Variants in CDH18 observed in about 807,000 individuals in gnomAD.
CDH18 encodes the protein cadherin-18.
In CDH18, 31 loss-of-function variants were observed where a neutral mutation model predicts 67.9. That is an observed-to-expected ratio of 0.46 (90% CI 0.34 to 0.62). The LOEUF is 0.62. CDH18 is among the 20% of genes least tolerant of loss of function. The pLI is 0.01. For missense variants in CDH18, 890 were observed against 975.5 expected, an observed-to-expected ratio of 0.91 and a Z score of 1.17; for synonymous variants, 362 against 347.2, an observed-to-expected ratio of 1.04 and a Z score of -0.48.
At chr5:19,861,079 C>T (rs1040169025) in intron 2 of CDH18, among the ~76,000 whole-genome samples, 2 of 152,092 alleles carry the variant, frequency 1.3e-5, no homozygotes, top group East Asian at 1.9e-4. Context: ...ACAAAGTATA[C>T]TATCTTACAG....
At chr5:19,788,923 T>C (rs115201568) in intron 3 of CDH18, among the ~76,000 whole-genome samples, 2,052 of 152,276 alleles carry the variant, frequency 0.013, 41 homozygotes, top group African/African-American at 0.047. Flanking sequence ...GTTGCTGCCT[T>C]ATTAGTTAGC....
chr5:20,135,151 T>C (rs949993309), intron 2 of CDH18, among the ~76,000 whole-genome samples: 3 of 152,158 alleles, frequency 2.0e-5, no homozygotes, highest in Non-Finnish European at 4.4e-5. Flanking sequence ...TTATGATGAA[T>C]GCTGTGACTG....
At chr5:20,151,264 T>C (rs1751075679) in intron 2 of CDH18, among the ~76,000 whole-genome samples, 1 of 152,144 alleles carries the variant, frequency 6.6e-6, no homozygotes, top group Non-Finnish European at 1.5e-5. Context: ...CTCTTTTAAT[T>C]CACTAAGGGT....
chr5:19,513,193 G>T (rs1479478210), intron 10 of CDH18, among the ~76,000 whole-genome samples: 1 of 151,968 alleles, frequency 6.6e-6, no homozygotes, highest in African/African-American at 2.4e-5. Flanking sequence ...CTACAGACTT[G>T]ACCTCCAGGG....
At chr5:19,981,396 C>T (rs1467104331) in intron 1 of CDH18, among the ~76,000 whole-genome samples, 1 of 143,608 alleles carries the variant, frequency 7.0e-6, no homozygotes, top group East Asian at 2.1e-4. Context: ...TATAACAAAA[C>T]ACCACAGAAA....
intron 1 of CDH18, among the ~76,000 whole-genome samples, chr5:20,497,820 T>C (rs562846552): frequency 1.3e-5 from 2 of 152,284 alleles, no homozygotes; most frequent in East Asian, 3.9e-4. Context: ...ATGCTGTTAG[T>C]ATTTGTGTCC....
intron 12 of CDH18, among the ~76,000 whole-genome samples, chr5:19,476,065 A>G (rs1187292706): frequency 1.3e-5 from 2 of 152,058 alleles, no homozygotes; most frequent in Non-Finnish European, 2.9e-5. Flanking sequence ...ATGGAAAGGA[A>G]AGTGAGAGAA....
intron 1 of CDH18, among the ~76,000 whole-genome samples, chr5:20,398,696 C>T (rs1745488127): frequency 6.6e-6 from 1 of 152,132 alleles, no homozygotes; most frequent in African/African-American, 2.4e-5. Context: ...TAAAAAACCA[C>T]CACGGCACAC....
chr5:20,313,557 TTTA>T (rs1308563940), intron 1 of CDH18, among the ~76,000 whole-genome samples: 1 of 152,082 alleles, frequency 6.6e-6, no homozygotes, highest in Non-Finnish European at 1.5e-5. Context: ...GCTGCAATTG[TTTA>T]TTATGTAAAC....
chr5:19,806,921 A>C (rs972242996), intron 3 of CDH18, among the ~76,000 whole-genome samples: 5 of 152,220 alleles, frequency 3.3e-5, no homozygotes, highest in African/African-American at 1.2e-4. Context: ...TATAAAGTGT[A>C]GTTAAACTAG....
intron 5 of CDH18, among the ~76,000 whole-genome samples, chr5:19,685,710 C>T (rs1760998489): frequency 6.6e-6 from 1 of 152,146 alleles, no homozygotes; most frequent in Non-Finnish European, 1.5e-5. Flanking sequence ...CTCCAGCTCT[C>T]TCTTACATCA....
At chr5:19,929,271 A>T in intron 2 of CDH18, among the ~76,000 whole-genome samples, 1 of 152,024 alleles carries the variant, frequency 6.6e-6, no homozygotes, top group Non-Finnish European at 1.5e-5. Flanking sequence ...CAAATGACTT[A>T]ATCACTTAGG....
intron 2 of CDH18, among the ~76,000 whole-genome samples, chr5:19,862,347 C>A (rs1784994774): frequency 6.6e-6 from 1 of 152,098 alleles, no homozygotes; most frequent in South Asian, 2.1e-4. Context: ...CAAAAACACA[C>A]CTTTGTGTCT....
intron 3 of CDH18, among the ~76,000 whole-genome samples, chr5:19,829,558 A>G (rs1039047068): frequency 2.6e-5 from 4 of 152,226 alleles, no homozygotes; most frequent in Admixed American, 6.5e-5. Flanking sequence ...CAAAGAAATC[A>G]GAGATGACAT....
chr5:19,705,344 G>A (rs545804199), intron 5 of CDH18, among the ~76,000 whole-genome samples: 2 of 152,068 alleles, frequency 1.3e-5, no homozygotes, highest in Non-Finnish European at 2.9e-5. Context: ...CATATGTAGG[G>A]ATCAATTGAA....
At chr5:19,764,624 CAT>C (rs72234101) in intron 3 of CDH18, among the ~76,000 whole-genome samples, 27,356 of 145,654 alleles carry the variant, frequency 0.19, 3,444 homozygotes, top group African/African-American at 0.37. Flanking sequence ...TCTATTTCTT[CAT>C]ATATATATAT....
intron 2 of CDH18, among the ~76,000 whole-genome samples, chr5:19,994,236 TAC>T (rs199969224): frequency 0.013 from 1,987 of 151,718 alleles, 23 homozygotes; most frequent in Non-Finnish European, 0.018. Context: ...TACATGTATA[TAC>T]ACACACATAT....
chr5:19,718,684 CTAG>C (rs1217013199), intron 5 of CDH18, among the ~76,000 whole-genome samples: 1 of 151,810 alleles, frequency 6.6e-6, no homozygotes, highest in African/African-American at 2.4e-5. Flanking sequence ...CCTTAATGAC[CTAG>C]TAGGACAGAT....
At chr5:20,365,976 C>T (rs1742484496) in intron 1 of CDH18, among the ~76,000 whole-genome samples, 1 of 152,114 alleles carries the variant, frequency 6.6e-6, no homozygotes, top group Non-Finnish European at 1.5e-5. Context: ...TTAATATGGT[C>T]TCTGAAGATA....
Sources: allele counts gnomAD v4.1 joint callset (sites outside exome capture counted in the v4.1 genomes callset), GRCh38; gene constraint gnomAD v4.1.1; transcripts MANE v1.5; gene names NCBI Gene and HGNC (gene_info 2026-07-23, HGNC 2026-07-21).